Variants in SLC25A38 observed in about 807,000 individuals in gnomAD.
The protein encoded by SLC25A38 is mitochondrial glycine transporter.
Under a neutral mutation model 33.4 loss-of-function variants are expected in SLC25A38, and 27 were observed. The observed-to-expected ratio is 0.81, with a 90% CI of 0.60 to 1.11. SLC25A38 has a LOEUF of 1.11. Ranked by LOEUF, SLC25A38 falls within the 50% of genes most tolerant of loss-of-function variation. The pLI, the probability that SLC25A38 is intolerant of heterozygous loss-of-function variation, is 0.00. For missense variants in SLC25A38, 344 were observed against 388.8 expected (o/e 0.88, Z 0.97); for synonymous variants, 123 against 145.9 (o/e 0.84, Z 1.13).
Position 39,389,511 on chromosome 3 carries a change from A to C in SLC25A38, c.86A>C (p.Lys29Thr). The C allele has an allele frequency of 6.2e-7, 1 of 1,614,192 alleles. No individual in the cohort carries two copies. The highest frequency in any genetic ancestry group is 8.5e-7 in the Non-Finnish European group (1 of 1,180,032). The change falls in exon 2 of 7, where the codon AAG becomes ACG. Residue 29 changes from lysine to threonine, a missense_variant. This residue lies in a region of SLC25A38 where 269 missense variants were observed against 271.8 expected (regional missense o/e 0.99). Transcript: ENST00000650617. The surrounding 1 kb of genome is among the most constrained non-coding windows in gnomAD (Gnocchi z 4.5). ...VETLMLHPVI[K>T]AFLCGSISGT... ...ATCCTGCAGTTACATCCGGTGATCA[A>C]GGCTTTCCTGTGTGGCTCCATCAGT...
intron 4 of SLC25A38, 91 bp downstream of exon 4, chr3:39,391,711 A>G (rs985623685): frequency 3.7e-5 from 60 of 1,604,724 alleles, no homozygotes; most frequent in Non-Finnish European, 4.8e-5. Context: ...CTGATTTGTA[A>G]TCTAACATAG....
intron 6 of SLC25A38, among the ~76,000 whole-genome samples, chr3:39,395,381 T>A (rs1442627087): frequency 6.6e-6 from 1 of 151,500 alleles, no homozygotes; most frequent in Non-Finnish European, 1.5e-5. Flanking sequence ...AAGACCAGCA[T>A]GGGCAATGTA....
intron 6 of SLC25A38, among the ~76,000 whole-genome samples, chr3:39,395,695 A>G (rs184364898): frequency 1.9e-4 from 29 of 152,074 alleles, no homozygotes; most frequent in Admixed American, 7.9e-4. Context: ...CAAAAAGATA[A>G]GACAAATGAC....
intron 2 of SLC25A38, 55 bp from the exon 3 acceptor site, chr3:39,390,368 G>A: frequency 6.4e-7 from 1 of 1,562,716 alleles, no homozygotes; most frequent in Non-Finnish European, 8.8e-7. Context: ...ATTGTTTTAT[G>A]AGGAAGTGAT....
intron 1 of SLC25A38, chr3:39,384,520 T>C (rs1461525122): frequency 2.8e-5 from 11 of 394,180 alleles, no homozygotes; most frequent in African/African-American, 1.4e-4. Flanking sequence ...ATTTTTTTTT[T>C]TAATCCTTAA....
Position 39,383,641 on chromosome 3 carries a change from A to T in SLC25A38, c.-84A>T. Reference sequence around the variant, plus strand: ...CGTCGCCTGGCTAGCGCCACCCCCTAGCCTTCTTCAAGGCCTCCAGGGCTG... The same window carrying T: ...CGTCGCCTGGCTAGCGCCACCCCCTTGCCTTCTTCAAGGCCTCCAGGGCTG... On this transcript the variant is annotated 5_prime_UTR_variant, in exon 1 of 7. Coordinates refer to ENST00000650617, the MANE Select transcript of SLC25A38 (RefSeq NM_017875.4). The T allele has an allele frequency of 6.6e-7, 1 of 1,519,426 alleles. No homozygotes were observed. The highest frequency in any genetic ancestry group is 9.1e-7 in the Non-Finnish European group (1 of 1,097,114). 94.1% of individuals were successfully genotyped at this position (1,519,426 alleles called of 1,614,324 possible).
At chr3:39,394,829 A>C (rs938087978) in intron 6 of SLC25A38, among the ~76,000 whole-genome samples, 1 of 152,158 alleles carries the variant, frequency 6.6e-6, no homozygotes, top group Non-Finnish European at 1.5e-5. Context: ...AGACACTTAC[A>C]TTAGGAACAC....
At chr3:39,385,820 G>C (rs4016625) in intron 1 of SLC25A38, among the ~76,000 whole-genome samples, 139,143 of 152,250 alleles carry the variant, frequency 0.91, 64,659 homozygotes, top group Non-Finnish European at 1. Context: ...TGTAGAAGCC[G>C]GAAGGAGAGG....
intron 5 of SLC25A38, 64 bp downstream of exon 5, chr3:39,392,085 C>T (rs533181566): frequency 6.3e-7 from 1 of 1,593,554 alleles, no homozygotes; most frequent in East Asian, 2.2e-5. Context: ...ACCATTTTCT[C>T]TGGGATATGA....
chr3:39,384,265 C>G (rs1559389965), intron 1 of SLC25A38, among the ~76,000 whole-genome samples: 1 of 152,214 alleles, frequency 6.6e-6, no homozygotes, highest in East Asian at 1.9e-4. Flanking sequence ...CGTGGCGGCA[C>G]CCTTCCAGCC....
intron 1 of SLC25A38, among the ~76,000 whole-genome samples, chr3:39,387,506 A>G (rs530941893): frequency 6.6e-6 from 1 of 152,236 alleles, no homozygotes; most frequent in Admixed American, 6.5e-5. Context: ...GGTGAGTTTT[A>G]TGTGTCTCTG....
chr3:39,396,856 CCTTGGGTATGTT>C lies in SLC25A38; in HGVS notation c.*343_*354del. 1 of 374,130 alleles carries C rather than the reference CCTTGGGTATGTT, an allele frequency of 2.7e-6. No individual in the cohort carries two copies. The highest frequency in any genetic ancestry group is 2.2e-5 in the South Asian group (1 of 45,766). The allele number at this position is 374,130 out of a possible 1,614,324, so 23.2% of individuals were successfully genotyped here. On this transcript the variant is annotated 3_prime_UTR_variant, in exon 7 of 7. Coordinates refer to ENST00000650617, the MANE Select transcript of SLC25A38 (RefSeq NM_017875.4). ...GCCCCACCCCTACACCACAGGGTCT[CCTTGGGTATGTT>C]CTTGGGCAAGCAATCACAAAGCCAG...
intron 1 of SLC25A38, 103 bp downstream of exon 1, chr3:39,383,896 G>T: frequency 7.6e-7 from 1 of 1,316,864 alleles, no homozygotes; most frequent in Non-Finnish European, 1.1e-6. Flanking sequence ...CCGCGCCCCA[G>T]GGTGCGCTCA....
Position 39,383,745 on chromosome 3 carries a change from G to C in SLC25A38, c.21G>C (p.Pro7=), listed in dbSNP as rs1161059746. The change falls in exon 1 of 7, where the codon CCG becomes CCC. Residue 7 remains proline (P), a synonymous_variant. Coordinates refer to ENST00000650617, the MANE Select transcript of SLC25A38 (RefSeq NM_017875.4). MIQNSR[P]SLLQPQDVGD... The stretch of plus-strand genomic sequence containing the variant: ...CTCCAATGATTCAGAACTCACGTCC[G>C]TCGCTGCTGCAACCCCAAGATGTCG... 16 of 1,614,070 alleles carry C rather than the reference G, an allele frequency of 9.9e-6. No homozygotes were observed. The highest frequency in any genetic ancestry group is 1.4e-5 in the Non-Finnish European group (16 of 1,180,008).
At chr3:39,386,067 A>G (rs972444060) in intron 1 of SLC25A38, among the ~76,000 whole-genome samples, 1 of 152,168 alleles carries the variant, frequency 6.6e-6, no homozygotes, top group Non-Finnish European at 1.5e-5. Flanking sequence ...ATTAAAGGGT[A>G]TTGGTTTGGT....
intron 1 of SLC25A38, among the ~76,000 whole-genome samples, chr3:39,384,960 C>T (rs2041693846): frequency 6.6e-6 from 1 of 152,012 alleles, no homozygotes; most frequent in African/African-American, 2.4e-5. Flanking sequence ...CGCCACCACG[C>T]CCGGCTAGTT....
At chr3:39,390,226 C>A (rs2041746687) in intron 2 of SLC25A38, among the ~76,000 whole-genome samples, 197 bp from the exon 3 acceptor site, 1 of 152,198 alleles carries the variant, frequency 6.6e-6, no homozygotes, top group South Asian at 2.1e-4. Context: ...CAGGCATGAG[C>A]CACTGCACCC....
At chr3:39,393,494 C>T (rs1210423291) in intron 5 of SLC25A38, among the ~76,000 whole-genome samples, 2 of 152,066 alleles carry the variant, frequency 1.3e-5, no homozygotes, top group Non-Finnish European at 2.9e-5. Flanking sequence ...GGAAGTTTAA[C>T]CTAGATAATT....
intron 1 of SLC25A38, chr3:39,387,936 T>C (rs538406041): frequency 3.9e-5 from 6 of 152,912 alleles, no homozygotes; most frequent in African/African-American, 1.4e-4. Flanking sequence ...TCAGAGGCTG[T>C]GTTAGTGGAG....
Sources: allele counts gnomAD v4.1 joint callset (sites outside exome capture counted in the v4.1 genomes callset), GRCh38; gene constraint gnomAD v4.1.1; regional missense constraint gnomAD v4.1.1; non-coding constraint Gnocchi (gnomAD v3.1); transcripts MANE v1.5; gene names NCBI Gene and HGNC (gene_info 2026-07-23, HGNC 2026-07-21).